The following LAMA3 variants were observed in gnomAD, a reference collection of about 807,000 sequenced individuals.
LAMA3 encodes the protein laminin subunit alpha 3, also known as laminin subunit alpha-3.
A neutral mutation model predicts 402.0 loss-of-function variants in LAMA3; 281 were observed. That is an observed-to-expected ratio of 0.70 (90% CI 0.63 to 0.77). The LOEUF is 0.77. Among genes scored for constraint, LAMA3 ranks in the 30% least tolerant of loss-of-function variants. LAMA3 has a pLI of 0.00. For synonymous variants in LAMA3, 1,431 were observed against 1,558.4 expected (o/e 0.92, Z 1.93); for missense variants, 3,840 against 4,215.5 (o/e 0.91, Z 2.47).
At chr18:23,849,959 A>G (rs1018618429) in intron 32 of LAMA3, among the ~76,000 whole-genome samples, 12 of 152,256 alleles carry the variant, frequency 7.9e-5, no homozygotes, top group African/African-American at 2.4e-4. Context: ...CAAATTGCCC[A>G]TGATAATTTC....
At chr18:23,867,715 A>AT in intron 36 of LAMA3, 119 bp from the exon 37 acceptor site, 1 of 811,982 alleles carries the variant, frequency 1.2e-6, no homozygotes, top group Non-Finnish European at 2.2e-6. Context: ...ATTCTGAACT[A>AT]TTTTTTTAAG....
At chr18:23,736,398 A>G (rs369742477) in intron 2 of LAMA3, among the ~76,000 whole-genome samples, 1 of 151,286 alleles carries the variant, frequency 6.6e-6, no homozygotes, top group Non-Finnish European at 1.5e-5. Context: ...TGTATGGTCA[A>G]TTAGTGAGAC....
intron 40 of LAMA3, among the ~76,000 whole-genome samples, chr18:23,884,355 T>A (rs929658376): frequency 1.3e-5 from 2 of 152,134 alleles, no homozygotes; most frequent in Non-Finnish European, 2.9e-5. Flanking sequence ...ATGTGCCTGA[T>A]AGAAAAGAAC....
chr18:23,764,677 C>T (rs1242051009), intron 8 of LAMA3, among the ~76,000 whole-genome samples: 4 of 151,114 alleles, frequency 2.6e-5, no homozygotes, highest in Non-Finnish European at 4.4e-5. Flanking sequence ...ATTTAAAATG[C>T]CTTTTACTCA....
At chr18:23,914,599 T>G in intron 57 of LAMA3, 38 bp downstream of exon 57, 1 of 1,612,516 alleles carries the variant, frequency 6.2e-7, no homozygotes. Context: ...CTCACCAAAC[T>G]TCCATGTATA....
At chr18:23,724,246 T>C (rs7243535) in intron 2 of LAMA3, among the ~76,000 whole-genome samples, 6,065 of 152,298 alleles carry the variant, frequency 0.04, 421 homozygotes, top group African/African-American at 0.14. Flanking sequence ...GTCAATGGTA[T>C]GTACGTATAC....
rs150711498 is a variant in LAMA3, at chr18:23,747,381, T to C, written c.448-562T>C. Among the ~76,000 whole-genome samples the C allele has an allele frequency of 2.4e-4, 37 of 152,232 alleles. No homozygotes were observed. The East Asian group carries it at 6.8e-3, about 28-fold the overall frequency. On this transcript the variant is annotated intron_variant, in intron 2 of 74. Coordinates refer to ENST00000313654, the MANE Select transcript of LAMA3 (RefSeq NM_198129.4). ...ATCCTGGCCATGGGCAAAAGAGTGATGAGGGCGAATGAGAAAGCCAATAAG... is the reference window on the plus strand; with the variant it reads ...ATCCTGGCCATGGGCAAAAGAGTGACGAGGGCGAATGAGAAAGCCAATAAG...
chr18:23,920,492 G>T (rs2081794126), intron 60 of LAMA3, among the ~76,000 whole-genome samples: 1 of 152,160 alleles, frequency 6.6e-6, no homozygotes, highest in South Asian at 2.1e-4. Context: ...GACATGGAAG[G>T]TAGAAGGGGA....
intron 52 of LAMA3, among the ~76,000 whole-genome samples, chr18:23,907,139 G>A (rs1786302): frequency 0.87 from 132,945 of 152,216 alleles, 59,209 homozygotes; most frequent in Non-Finnish European, 0.97. Context: ...ATTCACTCAT[G>A]TATTCATTTA....
chr18:23,884,566 C>T (rs909535600), intron 40 of LAMA3, among the ~76,000 whole-genome samples: 1 of 152,174 alleles, frequency 6.6e-6, no homozygotes, highest in Non-Finnish European at 1.5e-5. Flanking sequence ...TGCCTTCAGT[C>T]CTTGTTCACC....
intron 1 of LAMA3, among the ~76,000 whole-genome samples, chr18:23,691,279 T>C (rs1390487379): frequency 1.3e-5 from 2 of 152,194 alleles, no homozygotes; most frequent in Non-Finnish European, 2.9e-5. Flanking sequence ...ATGTATTATA[T>C]TGATATGTGT....
intron 49 of LAMA3, 39 bp from the exon 50 acceptor site, chr18:23,903,894 C>T: frequency 6.5e-7 from 1 of 1,548,718 alleles, no homozygotes; most frequent in Non-Finnish European, 8.9e-7. Context: ...ACATTCTTTC[C>T]TTGAATTTAT....
intron 21 of LAMA3, among the ~76,000 whole-genome samples, chr18:23,825,459 C>G (rs1040640742): frequency 6.6e-6 from 1 of 152,174 alleles, no homozygotes. Context: ...TCGCTTAATT[C>G]CAATCCTGTC....
chr18:23,847,792 A>T, intron 32 of LAMA3, 124 bp downstream of exon 32: 1 of 948,292 alleles, frequency 1.1e-6, no homozygotes, highest in Non-Finnish European at 1.6e-6. Context: ...TGACCTCGGC[A>T]TGAGCTTCCC....
chr18:23,832,946 A>C (rs2063514987), intron 23 of LAMA3, among the ~76,000 whole-genome samples: 1 of 152,200 alleles, frequency 6.6e-6, no homozygotes, highest in Admixed American at 6.5e-5. Context: ...TACTTCTGAG[A>C]GCTCTGTATG....
intron 38 of LAMA3, 75 bp from the exon 39 acceptor site, chr18:23,876,219 T>G: frequency 1.1e-6 from 1 of 943,756 alleles, no homozygotes; most frequent in Non-Finnish European, 1.7e-6. Context: ...TGCTTCACAG[T>G]GAGAGGTGTC....
chr18:23,817,560 C>T (rs2063200324), intron 18 of LAMA3, among the ~76,000 whole-genome samples: 1 of 151,862 alleles, frequency 6.6e-6, no homozygotes, highest in Non-Finnish European at 1.5e-5. Context: ...AAAAAAAATA[C>T]AACAATTAGG....
chr18:23,709,539 C>T (rs941928832), intron 1 of LAMA3, among the ~76,000 whole-genome samples: 1 of 151,140 alleles, frequency 6.6e-6, no homozygotes, highest in African/African-American at 2.5e-5. Context: ...TGGAAAACAC[C>T]AGGTTGAGTC....
chr18:23,949,735 A>G (rs371089493), intron 70 of LAMA3, 30 bp from the exon 71 acceptor site: 27 of 1,612,376 alleles, frequency 1.7e-5, no homozygotes, highest in Non-Finnish European at 2.2e-5. Context: ...GGTGTAGGTA[A>G]TGAGCTTTTT....
Sources: gnomAD v4.1 joint callset for allele counts (sites outside exome capture counted in the v4.1 genomes callset) on GRCh38, gnomAD v4.1.1 for gene constraint, MANE v1.5 for transcripts, NCBI Gene and HGNC (gene_info 2026-07-23, HGNC 2026-07-21) for gene names.